CFAP43: variants seen among roughly 807,000 people sequenced by gnomAD.
The protein encoded by CFAP43 is cilia and flagella associated protein 43.
CFAP43 carries 155 observed loss-of-function variants against 218.9 expected under a neutral mutation model. The observed-to-expected ratio is 0.71, with a 90% CI of 0.62 to 0.81. The LOEUF is 0.81. Ranked by LOEUF, CFAP43 falls within the 30% of genes least tolerant of loss-of-function variation. The probability of loss-of-function intolerance (pLI) is 0.00; values close to 1 mark genes in which losing one functional copy is unlikely to be tolerated. For synonymous variants in CFAP43, 645 were observed against 681.3 expected (o/e 0.95, Z 0.83); for missense variants, 1,778 against 1,954.3 (o/e 0.91, Z 1.70).
At chr10:104,144,304 T>A (rs551730543) in intron 31 of CFAP43, among the ~76,000 whole-genome samples, 191 of 152,324 alleles carry the variant, frequency 1.3e-3, no homozygotes, top group African/African-American at 4.5e-3. Context: ...TCTCACTTCT[T>A]TTTCCACAAG....
intron 2 of CFAP43, among the ~76,000 whole-genome samples, chr10:104,229,246 T>C (rs2091382400): frequency 2.0e-5 from 3 of 152,284 alleles, no homozygotes; most frequent in South Asian, 2.1e-4. Flanking sequence ...ACTACAGAGC[T>C]AAGTCCAGCC....
chr10:104,214,529 G>A, intron 3 of CFAP43, 103 bp from the exon 4 acceptor site: 6 of 993,318 alleles, frequency 6.0e-6, no homozygotes, highest in South Asian at 4.1e-5. Context: ...TATAATTTAT[G>A]ATACAATTTA....
In CFAP43 at chr10:104,196,810, G is replaced by A. The variant is rs193274628; in HGVS notation, c.1293+43C>T. 6 of 1,469,770 alleles carry A rather than the reference G, an allele frequency of 4.1e-6. No individual in the cohort carries two copies. The East Asian group carries it at 1.4e-4, about 34-fold the overall frequency. 91.0% of individuals were successfully genotyped at this position (1,469,770 alleles called of 1,614,324 possible). A position where few individuals can be genotyped will look rare whatever the true frequency, so the allele number is the denominator to read the frequency against. On this transcript the variant is annotated intron_variant, in intron 10 of 37. Coordinates refer to ENST00000357060, the MANE Select transcript of CFAP43 (RefSeq NM_025145.7). Reference sequence around the variant, plus strand: ...GAATATGAAAAAGTAGATTGGATTAGAATTCAGTATTTTTTTAAAATCCAT... The same window carrying A: ...GAATATGAAAAAGTAGATTGGATTAAAATTCAGTATTTTTTTAAAATCCAT...
Position 104,187,411 on chromosome 10 carries a change from A to G in CFAP43, c.1769T>C (p.Leu590Pro). ...TTGAAAGCCCAAGACTGCAGAGGAC[A>G]GAGCGTGCTCCAACTCATACAGGTA... ...HKYLYELEHA[L>P]SSAVLGFQSN... The change falls in exon 14 of 38, where the codon CTG (leucine) becomes CCG (proline). Residue 590 changes from leucine (L) to proline (P), a missense_variant. Physicochemically the swap from Leu to Pro is moderately conservative, Grantham distance 98. Around this residue, in one of 3 missense-constraint regions of CFAP43, gnomAD observed 1,553 missense variants for 1,685.2 expected, o/e 0.92. Coordinates refer to ENST00000357060, the MANE Select transcript of CFAP43 (RefSeq NM_025145.7). The G allele has an allele frequency of 6.2e-7, 1 of 1,611,292 alleles. No individual in the cohort carries two copies. The highest frequency in any genetic ancestry group is 8.5e-7 in the Non-Finnish European group (1 of 1,179,056).
At chr10:104,193,725 A>C in intron 11 of CFAP43, 141 bp downstream of exon 11, 1 of 1,165,582 alleles carries the variant, frequency 8.6e-7, no homozygotes, top group Non-Finnish European at 1.2e-6. Flanking sequence ...GTACCTTTTG[A>C]GTGTTGAACT....
chr10:104,150,133 G>A (rs1157489857), intron 28 of CFAP43, among the ~76,000 whole-genome samples: 5 of 151,966 alleles, frequency 3.3e-5, no homozygotes, highest in Admixed American at 2.0e-4. Context: ...CCTTTTTATT[G>A]TGGGATAATA....
chr10:104,150,040 C>T (rs975104059), intron 28 of CFAP43, among the ~76,000 whole-genome samples: 1 of 152,164 alleles, frequency 6.6e-6, no homozygotes, highest in Non-Finnish European at 1.5e-5. Context: ...TGGAATCATA[C>T]AATATGTGGC....
At chr10:104,136,869 G>A (rs2134737268) in intron 34 of CFAP43, among the ~76,000 whole-genome samples, 1 of 152,282 alleles carries the variant, frequency 6.6e-6, no homozygotes, top group South Asian at 2.1e-4. Context: ...ATGAAAAGAT[G>A]CTCAATGTCA....
At chr10:104,231,674 A>C (rs572043682) in intron 1 of CFAP43, among the ~76,000 whole-genome samples, 7 of 152,196 alleles carry the variant, frequency 4.6e-5, no homozygotes, top group Non-Finnish European at 8.8e-5. Flanking sequence ...AATGCCACCT[A>C]TATCTGCGCA....
At chr10:104,221,243 G>A (rs1017094068) in intron 3 of CFAP43, among the ~76,000 whole-genome samples, 4 of 152,150 alleles carry the variant, frequency 2.6e-5, no homozygotes, top group Non-Finnish European at 5.9e-5. Context: ...CCAAAGTGTT[G>A]GGATTACAGG....
chr10:104,183,414 G>A (rs1361314972), intron 16 of CFAP43, among the ~76,000 whole-genome samples: 2 of 143,134 alleles, frequency 1.4e-5, no homozygotes. Flanking sequence ...ACGGAGTCTC[G>A]CTCTGTCGCC....
chr10:104,147,701 T>C (rs1471402608), intron 29 of CFAP43, among the ~76,000 whole-genome samples, 190 bp downstream of exon 29: 3 of 152,196 alleles, frequency 2.0e-5, no homozygotes, highest in Admixed American at 2.0e-4. Context: ...CCTAACTTTA[T>C]TAACAGATTG....
chr10:104,214,718 A>G (rs959924578), intron 3 of CFAP43, among the ~76,000 whole-genome samples: 2 of 152,248 alleles, frequency 1.3e-5, no homozygotes, highest in African/African-American at 2.4e-5. Flanking sequence ...AAAATGAAAT[A>G]TATCATCACA....
Position 104,185,123 on chromosome 10 carries a change from A to T in CFAP43, c.2034T>A (p.Ser678Arg). 6.2e-7 allele frequency: 1 copy of T among 1,613,842 alleles called. No individual in the cohort carries two copies. The highest frequency in any genetic ancestry group is 8.5e-7 in the Non-Finnish European group (1 of 1,179,968). Residue 678 changes from serine to arginine, a missense_variant, in exon 16 of 38, where the codon AGT becomes AGA. Ser to Arg is a moderately radical substitution (Grantham distance 110). Around this residue, in one of 3 missense-constraint regions of CFAP43, gnomAD observed 1,553 missense variants for 1,685.2 expected, o/e 0.92. Transcript: ENST00000357060. ...GAATCCCATGACCCTGGTGAGAATGACTCCGACACCAAGCAAATGTTTCCT... is the reference window on the plus strand; with the variant it reads ...GAATCCCATGACCCTGGTGAGAATGTCTCCGACACCAAGCAAATGTTTCCT... ...YTLETFAWCR[S>R]HSHQGHGIQS... is the part of the protein sequence containing the mutation.
At chr10:104,191,600 T>G (rs1451887591) in intron 12 of CFAP43, among the ~76,000 whole-genome samples, 1 of 152,142 alleles carries the variant, frequency 6.6e-6, no homozygotes, top group Non-Finnish European at 1.5e-5. Context: ...CCTCCTCTAC[T>G]AAATTGTCTC....
At chr10:104,165,788 C>T (rs570735882) in intron 23 of CFAP43, among the ~76,000 whole-genome samples, 38 of 152,232 alleles carry the variant, frequency 2.5e-4, no homozygotes, top group African/African-American at 8.7e-4. Context: ...TGTCTTTCCC[C>T]AGGTTAAGCA....
Position 104,185,973 on chromosome 10 carries a change from C to A in CFAP43, c.2010+1G>T. 1 of 1,609,518 alleles carries A rather than the reference C, an allele frequency of 6.2e-7. No individual in the cohort carries two copies. The highest frequency in any genetic ancestry group is 8.5e-7 in the Non-Finnish European group (1 of 1,178,684). Reference sequence around the variant, plus strand: ...TATTTTTTTTTAAGAAAGCAGCTTACCAAAGTATAAACGTCTCGGATACAC... The same window carrying A: ...TATTTTTTTTTAAGAAAGCAGCTTAACAAAGTATAAACGTCTCGGATACAC... On this transcript the variant is annotated splice_donor_variant, in intron 15 of 37. Transcript: ENST00000357060. LOFTEE classifies it high-confidence loss of function.
At chr10:104,130,415 T>G in intron 37 of CFAP43, 110 bp from the exon 38 acceptor site, 1 of 1,238,788 alleles carries the variant, frequency 8.1e-7, no homozygotes, top group South Asian at 1.4e-5. Context: ...AAAAGGCATA[T>G]GCACTTGTAT....
chr10:104,175,088 C>CAAACAAAA (rs1554874767), intron 19 of CFAP43, among the ~76,000 whole-genome samples: 5 of 142,994 alleles, frequency 3.5e-5, no homozygotes, highest in Admixed American at 1.4e-4. Flanking sequence ...AACAAACAAA[C>CAAACAAAA]AAAAAAAAAC....
Sources: allele counts gnomAD v4.1 joint callset (sites outside exome capture counted in the v4.1 genomes callset), GRCh38; gene constraint gnomAD v4.1.1; regional missense constraint gnomAD v4.1.1; transcripts MANE v1.5; gene names NCBI Gene and HGNC (gene_info 2026-07-23, HGNC 2026-07-21).